The following ACLY variants were observed in gnomAD, a reference collection of about 807,000 sequenced individuals.
The protein encoded by ACLY is ATP-citrate synthase.
A neutral mutation model predicts 133.0 loss-of-function variants in ACLY; 41 were observed. The observed-to-expected ratio is 0.31, with a 90% CI of 0.24 to 0.40. The LOEUF is 0.40. Among genes scored for constraint, ACLY ranks in the 10% least tolerant of loss-of-function variants. ACLY has a pLI of 1.00. For synonymous variants in ACLY, 495 were observed against 549.3 expected (o/e 0.90, Z 1.38); for missense variants, 1,046 against 1,453.8 (o/e 0.72, Z 4.56).
intron 1 of ACLY, chr17:41,930,317 T>C (rs1268030810): frequency 1.2e-5 from 2 of 160,884 alleles, no homozygotes; most frequent in African/African-American, 4.8e-5. Context: ...AGCCCAGTGC[T>C]CTCTCCCCCT....
chr17:41,868,982 T>A, intron 27 of ACLY, 61 bp downstream of exon 27: 2 of 1,482,432 alleles, frequency 1.3e-6, no homozygotes, highest in Non-Finnish European at 1.9e-6. Flanking sequence ...ACTTTTATAG[T>A]TTGGAGGAAA....
chr17:41,878,979 A>C (rs1266054076), intron 20 of ACLY, 55 bp from the exon 21 acceptor site: 25 of 1,608,746 alleles, frequency 1.6e-5, no homozygotes, highest in Non-Finnish European at 2.0e-5. Context: ...TGAACATAGA[A>C]TCCCATGTAA....
At chr17:41,903,265 G>A (rs2049589482) in intron 10 of ACLY, among the ~76,000 whole-genome samples, 1 of 152,134 alleles carries the variant, frequency 6.6e-6, no homozygotes, top group Non-Finnish European at 1.5e-5. Context: ...TGAAAGGGAT[G>A]ACTCTTGAGA....
chr17:41,892,464 G>T lies in ACLY; in HGVS notation c.1602-17C>A. On this transcript the variant is annotated splice_polypyrimidine_tract_variant and intron_variant, in intron 15 of 28. Transcript: ENST00000352035. The stretch of plus-strand genomic sequence containing the variant: ...TGGTCCCCACTGTGAGAAAGTAAAA[G>T]AAGAATTAGGATATCCTCAACCTGT... 6.2e-7 allele frequency: 1 copy of T among 1,609,070 alleles called. No homozygotes were observed. Among genetic ancestry groups the T allele is most frequent in the East Asian group, 2.2e-5 (1 of 44,766 alleles).
At chr17:41,915,457 G>C (rs1156628789) in intron 1 of ACLY, among the ~76,000 whole-genome samples, 1 of 152,156 alleles carries the variant, frequency 6.6e-6, no homozygotes, top group Non-Finnish European at 1.5e-5. Flanking sequence ...AACATTCCAG[G>C]GGCTACATTG....
In ACLY at chr17:41,867,620, T is replaced by A. The variant is rs778318236; in HGVS notation, c.*190A>T. On this transcript the variant is annotated 3_prime_UTR_variant, in exon 29 of 29. Transcript: ENST00000352035. ...TATTTCTATGCTTATAAAAAAAATATGAAGCTTCTTTGTGTGGACTGAAGG... is the reference window on the plus strand; with the variant it reads ...TATTTCTATGCTTATAAAAAAAATAAGAAGCTTCTTTGTGTGGACTGAAGG... The A allele has an allele frequency of 2.5e-6, 1 of 405,456 alleles. No individual in the cohort carries two copies. Among genetic ancestry groups the A allele is most frequent in the Non-Finnish European group, 4.4e-6 (1 of 227,474 alleles). 25.1% of individuals were successfully genotyped at this position (405,456 alleles called of 1,614,324 possible).
chr17:41,896,349 T>C (rs2049364959), intron 14 of ACLY, among the ~76,000 whole-genome samples: 1 of 152,090 alleles, frequency 6.6e-6, no homozygotes, highest in Admixed American at 6.6e-5. Flanking sequence ...TGGCTCTTGC[T>C]CCTTCCAAAA....
chr17:41,868,643 G>GA, intron 28 of ACLY, 66 bp downstream of exon 28: 1 of 1,174,230 alleles, frequency 8.5e-7, no homozygotes, highest in Non-Finnish European at 1.2e-6. Flanking sequence ...AACCCCATGA[G>GA]TAAGTGGTGT....
chr17:41,901,808 G>A lies in ACLY; in HGVS notation c.1071C>T (p.Ile357=), dbSNP rs149216780. The change falls in exon 11 of 29, where the codon ATC becomes ATT. Residue 357 remains isoleucine, a synonymous_variant. Transcript: ENST00000352035. ...FTNVAATFKG[I]VRAIRDYQGP... is the part of the protein sequence containing the mutation. Reference sequence around the variant, plus strand: ...CCTGGTAATCTCGAATTGCTCTCACGATGCCCTGGAAGCCCAAAGTGACAT... The same window carrying A: ...CCTGGTAATCTCGAATTGCTCTCACAATGCCCTGGAAGCCCAAAGTGACAT... 21 of 1,573,586 alleles carry A rather than the reference G, an allele frequency of 1.3e-5. No individual in the cohort carries two copies. The highest frequency in any genetic ancestry group is 1.7e-4 in the Middle Eastern group (1 of 5,908).
intron 22 of ACLY, among the ~76,000 whole-genome samples, chr17:41,876,576 T>C (rs1161917396): frequency 1.3e-5 from 2 of 152,220 alleles, no homozygotes; most frequent in African/African-American, 2.4e-5. Flanking sequence ...TAAGAAAAAT[T>C]CTTCTGCCTT....
intron 1 of ACLY, among the ~76,000 whole-genome samples, chr17:41,917,621 G>A (rs181288544): frequency 8.5e-4 from 130 of 152,302 alleles, no homozygotes; most frequent in East Asian, 3.9e-4. Context: ...TTGAAGGTTA[G>A]TATCTGCAGG....
chr17:41,884,169 A>ATT, intron 19 of ACLY, 24 bp downstream of exon 19: 29 of 1,250,210 alleles, frequency 2.3e-5, no homozygotes, highest in Non-Finnish European at 2.9e-5. Context: ...TAAAATCATA[A>ATT]TTTTTTTTTT....
At chr17:41,875,242 C>T (rs868954264) in intron 22 of ACLY, among the ~76,000 whole-genome samples, 1 of 149,764 alleles carries the variant, frequency 6.7e-6, no homozygotes, top group African/African-American at 2.5e-5. Context: ...CCCAGTTACT[C>T]GGGAGGCTAA....
At chr17:41,906,754 A>C in intron 7 of ACLY, 108 bp from the exon 8 acceptor site, 1 of 1,017,862 alleles carries the variant, frequency 9.8e-7, no homozygotes, top group Non-Finnish European at 1.5e-6. Context: ...AAGGTGCCTT[A>C]ATGGGGTGGG....
At chr17:41,916,884 C>G (rs2050065485) in intron 1 of ACLY, among the ~76,000 whole-genome samples, 1 of 152,004 alleles carries the variant, frequency 6.6e-6, no homozygotes, top group African/African-American at 2.4e-5. Context: ...GTGGCTTGCG[C>G]CTGTAATCCC....
rs2049044691 is a variant in ACLY, at chr17:41,886,264, A to G, written c.1920T>C (p.Gly640=). The G allele has an allele frequency of 1.2e-6, 2 of 1,613,740 alleles. No individual in the cohort carries two copies. Among genetic ancestry groups the G allele is most frequent in the Non-Finnish European group, 1.7e-6 (2 of 1,179,708 alleles). ...KPGCFKIGNT[G]GMLDNILASK... ...AGGCCAGGATGTTGTCCAGCATCCC[A>G]CCTGTGTTGCCAATCTTAAAGCACC... The change falls in exon 18 of 29, where the codon GGT becomes GGC. Residue 640 remains glycine, a synonymous_variant. Transcript: ENST00000352035.
At chr17:41,870,636 A>G in intron 25 of ACLY, 1 of 152,238 alleles carries the variant, frequency 6.6e-6, no homozygotes, top group East Asian at 1.9e-4. Flanking sequence ...GTTTCTAACC[A>G]AAGCACAATA....
chr17:41,900,349 C>T (rs998653142), intron 11 of ACLY, among the ~76,000 whole-genome samples: 4 of 148,314 alleles, frequency 2.7e-5, no homozygotes, highest in South Asian at 2.2e-4. Flanking sequence ...GGTAACAGAG[C>T]GAGACTCCAT....
intron 1 of ACLY, 42 bp downstream of exon 1, chr17:41,918,838 G>C (rs781936868): frequency 1.2e-5 from 15 of 1,284,708 alleles, no homozygotes; most frequent in Non-Finnish European, 1.5e-5. Flanking sequence ...AGCTCCTAGG[G>C]CGAGCGGGCT....
Sources: allele counts gnomAD v4.1 joint callset (sites outside exome capture counted in the v4.1 genomes callset), GRCh38; gene constraint gnomAD v4.1.1; transcripts MANE v1.5; gene names NCBI Gene and HGNC (gene_info 2026-07-23, HGNC 2026-07-21).